Variants in CADM2 observed in about 807,000 individuals in gnomAD.
CADM2 encodes cell adhesion molecule 2.
CADM2 carries 12 observed loss-of-function variants against 49.8 expected under a neutral mutation model. The ratio of observed to expected loss-of-function variants is 0.24; its 90% CI spans 0.15 to 0.39. CADM2 has a LOEUF of 0.39. Among genes scored for constraint, CADM2 ranks in the 10% least tolerant of loss-of-function variants. The probability of loss-of-function intolerance (pLI) is 1.00; values close to 1 mark genes in which losing one functional copy is unlikely to be tolerated. For missense variants in CADM2, 378 were observed against 492.3 expected (o/e 0.77, Z 2.20); for synonymous variants, 214 against 175.4 (o/e 1.22, Z -1.74).
chr3:85,965,540 C>A (rs756691734), intron 8 of CADM2, among the ~76,000 whole-genome samples: 2 of 151,208 alleles, frequency 1.3e-5, no homozygotes, highest in Admixed American at 1.3e-4. Flanking sequence ...TGAAAGCTAC[C>A]GGAACATAAA....
intron 1 of CADM2, among the ~76,000 whole-genome samples, chr3:85,068,088 A>G (rs946240200): frequency 2.0e-5 from 3 of 152,172 alleles, no homozygotes; most frequent in Admixed American, 2.0e-4. Context: ...GTTTCTCTAG[A>G]CACTATTTTT....
At chr3:85,676,756 A>C (rs1553660761) in intron 1 of CADM2, among the ~76,000 whole-genome samples, 2 of 152,062 alleles carry the variant, frequency 1.3e-5, no homozygotes, top group Non-Finnish European at 2.9e-5. Context: ...CTTTTTGTAT[A>C]CAAGCATCTT....
chr3:85,322,717 C>T (rs1444371125), intron 1 of CADM2, among the ~76,000 whole-genome samples: 1 of 152,070 alleles, frequency 6.6e-6, no homozygotes, highest in African/African-American at 2.4e-5. Flanking sequence ...AAGTCTCTGT[C>T]TTCAAATAGA....
intron 1 of CADM2, among the ~76,000 whole-genome samples, chr3:85,601,148 A>G (rs879466905): frequency 0.24 from 28,456 of 116,172 alleles, 4,282 homozygotes; most frequent in East Asian, 0.34. Flanking sequence ...ATATATATAT[A>G]TATATATATA....
At chr3:85,645,558 G>A (rs1248773136) in intron 1 of CADM2, among the ~76,000 whole-genome samples, 5 of 151,832 alleles carry the variant, frequency 3.3e-5, no homozygotes, top group Non-Finnish European at 7.4e-5. Context: ...GTCACTACAT[G>A]ATTTTCAGAT....
At chr3:85,103,229 A>G (rs1402518494) in intron 1 of CADM2, among the ~76,000 whole-genome samples, 1 of 152,108 alleles carries the variant, frequency 6.6e-6, no homozygotes, top group Admixed American at 6.6e-5. Context: ...GTTTCAGATG[A>G]CTCGATTGAT....
intron 3 of CADM2, among the ~76,000 whole-genome samples, chr3:85,872,064 C>T (rs1458747689): frequency 6.6e-6 from 1 of 152,172 alleles, no homozygotes; most frequent in East Asian, 1.9e-4. Context: ...TGAAAGCTCC[C>T]TAAGAGAGAG....
chr3:85,353,282 A>G lies in CADM2; in HGVS notation c.62-373240A>G, dbSNP rs577973745. Among the ~76,000 whole-genome samples, 3 of 152,204 alleles carry G rather than the reference A, an allele frequency of 2.0e-5. No homozygotes were observed. In the South Asian group the frequency reaches 6.2e-4, roughly 31 times the overall value. On this transcript the variant is annotated intron_variant, in intron 1 of 9. Transcript: ENST00000383699. ...GGAATCCATTCTATTAGAGCACTTC[A>G]GTAAAGAATCACAGCGAGGCCATTT... is the stretch of plus-strand genomic sequence containing the variant.
Position 84,960,483 on chromosome 3 carries a change from CT to C in CADM2, c.61+826del, listed in dbSNP as rs879905091. 881 of 144,186 alleles carry C rather than the reference CT, an allele frequency of 6.1e-3. 5 individuals carry two copies. Among genetic ancestry groups the C allele is most frequent in the African/African-American group, 0.016 (640 of 39,714 alleles). 8.9% of individuals were successfully genotyped at this position (144,186 alleles called of 1,614,324 possible). A position where few individuals can be genotyped will look rare whatever the true frequency, so the allele number is the denominator to read the frequency against. On this transcript the variant is annotated intron_variant, in intron 1 of 9. Coordinates refer to ENST00000383699, the MANE Select transcript of CADM2 (RefSeq NM_001167675.2). ...TTTTATTATTCAGTCTGTGTCGTTT[CT>C]TTTTTTTTTTAACCAAAGAAATATA...
chr3:85,934,413 T>C (rs1426160350), intron 6 of CADM2, among the ~76,000 whole-genome samples: 1 of 152,110 alleles, frequency 6.6e-6, no homozygotes, highest in Non-Finnish European at 1.5e-5. Flanking sequence ...AAATCTGATA[T>C]TCAATTTTTT....
At chr3:85,793,086 A>C (rs968945241) in intron 2 of CADM2, among the ~76,000 whole-genome samples, 1 of 152,162 alleles carries the variant, frequency 6.6e-6, no homozygotes, top group African/African-American at 2.4e-5. Flanking sequence ...AATGTATTCA[A>C]AAAAGGTTTG....
At chr3:86,005,396 C>A (rs770699347) in intron 8 of CADM2, among the ~76,000 whole-genome samples, 228 of 151,704 alleles carry the variant, frequency 1.5e-3, no homozygotes, top group Non-Finnish European at 1.6e-3. Context: ...ATTAAAAATA[C>A]AAAAGTTAGC....
At chr3:85,103,775 T>C (rs2038103555) in intron 1 of CADM2, among the ~76,000 whole-genome samples, 1 of 152,132 alleles carries the variant, frequency 6.6e-6, no homozygotes, top group Non-Finnish European at 1.5e-5. Context: ...AGAACGTGAG[T>C]ACTTCAAGGA....
intron 1 of CADM2, among the ~76,000 whole-genome samples, chr3:85,699,181 G>T (rs1198358019): frequency 6.6e-6 from 1 of 152,170 alleles, no homozygotes; most frequent in Non-Finnish European, 1.5e-5. Flanking sequence ...GGCTCCCAAA[G>T]CCTTGGACAG....
At chr3:85,284,242 A>G (rs890429681) in intron 1 of CADM2, among the ~76,000 whole-genome samples, 1 of 152,110 alleles carries the variant, frequency 6.6e-6, no homozygotes, top group African/African-American at 2.4e-5. Flanking sequence ...ATTATAGCAA[A>G]TCATTCATTC....
intron 5 of CADM2, among the ~76,000 whole-genome samples, chr3:85,890,198 A>C (rs1714236371): frequency 1.3e-5 from 2 of 151,938 alleles, no homozygotes; most frequent in Non-Finnish European, 2.9e-5. Flanking sequence ...AAGAAGGAAA[A>C]AAAGGGGTTT....
chr3:85,195,194 G>C (rs1029323647), intron 1 of CADM2, among the ~76,000 whole-genome samples: 1 of 152,134 alleles, frequency 6.6e-6, no homozygotes, highest in Non-Finnish European at 1.5e-5. Context: ...TTTATAGTAA[G>C]ACTTGGAATT....
At chr3:85,601,333 A>T (rs1050662297) in intron 1 of CADM2, among the ~76,000 whole-genome samples, 2 of 150,376 alleles carry the variant, frequency 1.3e-5, no homozygotes, top group Non-Finnish European at 3.0e-5. Flanking sequence ...TTTCTCTTTT[A>T]CTGAGAGAAA....
At chr3:85,769,597 C>CACATATAT (rs1260367971) in intron 2 of CADM2, among the ~76,000 whole-genome samples, 2 of 93,872 alleles carry the variant, frequency 2.1e-5, no homozygotes, top group South Asian at 3.8e-4. Context: ...ATAGTATATA[C>CACATATAT]ACATATATAC....
Sources: allele counts gnomAD v4.1 joint callset (sites outside exome capture counted in the v4.1 genomes callset), GRCh38; gene constraint gnomAD v4.1.1; transcripts MANE v1.5; gene names NCBI Gene and HGNC (gene_info 2026-07-23, HGNC 2026-07-21).